CTBP2: variants seen among roughly 807,000 people sequenced by gnomAD.
CTBP2 encodes C-terminal-binding protein 2.
CTBP2 carries 30 observed loss-of-function variants against 80.3 expected under a neutral mutation model. That is an observed-to-expected ratio of 0.37 (90% CI 0.28 to 0.51). The LOEUF is 0.51. Ranked by LOEUF, CTBP2 falls within the 20% of genes least tolerant of loss-of-function variation. The probability of loss-of-function intolerance (pLI) is 0.93; values close to 1 mark genes in which losing one functional copy is unlikely to be tolerated. For synonymous variants in CTBP2, 594 were observed against 587.4 expected, an observed-to-expected ratio of 1.01 and a Z score of -0.16; for missense variants, 1,212 against 1,375.3, an observed-to-expected ratio of 0.88 and a Z score of 1.88.
At chr10:125,042,679 G>A (rs531062383) in intron 2 of CTBP2, among the ~76,000 whole-genome samples, 1 of 152,244 alleles carries the variant, frequency 6.6e-6, no homozygotes, top group South Asian at 2.1e-4. Context: ...ACCAGCCAGT[G>A]AGGATATGCA....
intron 7 of CTBP2, among the ~76,000 whole-genome samples, 160 bp from the exon 10 acceptor site, chr10:124,992,972 C>G (rs555366446): frequency 7.4e-4 from 113 of 152,276 alleles, no homozygotes; most frequent in Non-Finnish European, 1.3e-3. Context: ...CCTTCAGCCT[C>G]TGTGTGCCCC....
intron 2 of CTBP2, among the ~76,000 whole-genome samples, chr10:125,039,671 C>T (rs1276612938): frequency 3.3e-5 from 5 of 152,212 alleles, no homozygotes; most frequent in East Asian, 1.9e-4. Context: ...CAGCACAACA[C>T]AAAACCCTGA....
intron 1 of CTBP2, chr10:125,005,964 G>T (rs764705807): frequency 1.7e-4 from 246 of 1,478,436 alleles, no homozygotes; most frequent in Non-Finnish European, 2.1e-4. Flanking sequence ...GCGCAAGGTG[G>T]GAATCCAGAG....
intron 2 of CTBP2, among the ~76,000 whole-genome samples, chr10:125,056,173 AAAT>A (rs747765698): frequency 0.042 from 6,230 of 149,336 alleles, 173 homozygotes; most frequent in Non-Finnish European, 0.055. Context: ...TCAAAAATAA[AAAT>A]AATAATAATA....
intron 1 of CTBP2, 71 bp from the exon 2 acceptor site, chr10:125,111,164 C>A (rs1393332931): frequency 2.0e-5 from 3 of 151,848 alleles, no homozygotes; most frequent in African/African-American, 4.8e-5. Flanking sequence ...ATCTAGGCAT[C>A]CTTTAATTGC....
intron 1 of CTBP2, among the ~76,000 whole-genome samples, chr10:125,156,461 T>C (rs1423978883): frequency 1.3e-5 from 2 of 152,224 alleles, no homozygotes; most frequent in East Asian, 3.8e-4. Flanking sequence ...CTTTCAAAAA[T>C]GATTCATGAT....
rs75035269 is a variant in CTBP2, at chr10:125,038,648, C to T, written c.58+349G>A. 3.5e-3 allele frequency among the ~76,000 whole-genome samples: 536 copies of T among 152,256 alleles called. 3 individuals carry two copies. The highest frequency in any genetic ancestry group is 0.011 in the African/African-American group (475 of 41,534). On this transcript the variant is annotated intron_variant, in intron 3 of 10. Transcript: ENST00000337195. ...GCATTGTAAATATCTTAATCCAAAA[C>T]AGGTAAAGTCCTGAGATTTCAGGAA... is the stretch of plus-strand genomic sequence containing the variant.
intron 2 of CTBP2, among the ~76,000 whole-genome samples, chr10:125,063,177 A>G (rs1239397237): frequency 6.6e-6 from 1 of 152,248 alleles, no homozygotes; most frequent in African/African-American, 2.4e-5. Context: ...GAACAATGGG[A>G]AAATTATCAC....
At chr10:125,100,012 T>C (rs1177184556) in intron 2 of CTBP2, among the ~76,000 whole-genome samples, 1 of 152,206 alleles carries the variant, frequency 6.6e-6, no homozygotes, top group Admixed American at 6.5e-5. Flanking sequence ...GAAGGTCTCA[T>C]CTAGATCACA....
upstream of CTBP2, among the ~76,000 whole-genome samples, chr10:125,029,304 C>T (rs576499916): frequency 5.4e-5 from 8 of 148,852 alleles, no homozygotes; most frequent in East Asian, 2.0e-4. Context: ...TGCAATGGCG[C>T]GATCTCGGCT....
rs1957698264 is a variant in CTBP2, at chr10:125,027,112, TTCGCTGATG to T, written c.639_647del (p.Asp213_Ser215del). 2 of 1,606,870 alleles carry T rather than the reference TTCGCTGATG, an allele frequency of 1.2e-6. No homozygotes were observed. The highest frequency in any genetic ancestry group is 1.7e-6 in the Non-Finnish European group (2 of 1,175,136). On this transcript the variant is annotated inframe_deletion, in exon 1 of 9. Coordinates refer to ENST00000309035, the MANE Select transcript of CTBP2 (RefSeq NM_022802.3). ...TGGCAGGGGCAGGGTCAATGGGTCT[TTCGCTGATG>T]TCGCTGAAGACCTGGCTGAGGGGGT...
chr10:125,144,555 C>T (rs547196878), intron 1 of CTBP2, among the ~76,000 whole-genome samples: 4 of 152,204 alleles, frequency 2.6e-5, no homozygotes, highest in Admixed American at 1.3e-4. Context: ...TGCCACAAAA[C>T]GAGTTCACTC....
rs767890403 is a variant in CTBP2 at position 125,026,957 on chromosome 10, A to C, written c.803T>G (p.Met268Arg). The C allele has an allele frequency of 1.2e-6, 2 of 1,614,030 alleles. No homozygotes were observed. Among genetic ancestry groups the C allele is most frequent in the East Asian group, 2.2e-5 (1 of 44,870 alleles). ...GTCAGCTTCGTAAGTCTCGTAAGCC[A>C]TCTTGGATGGGATGCTTTCCCGGGC... The change falls in exon 1 of 9, where the codon ATG (methionine) becomes AGG (arginine). Residue 268 changes from methionine to arginine, a missense_variant. By Grantham distance (91) the Met-to-Arg change is moderately conservative. This residue lies in a region of CTBP2 where 848 missense variants were observed against 782.3 expected (regional missense o/e 1.08). Transcript: ENST00000309035.
At chr10:125,018,499 A>ACAAC in intron 1 of CTBP2, among the ~76,000 whole-genome samples, 1 of 139,160 alleles carries the variant, frequency 7.2e-6, no homozygotes, top group East Asian at 2.4e-4. Flanking sequence ...CAAAAAAACA[A>ACAAC]AAACAAACCA....
At chr10:125,049,980 G>A (rs994805508) in intron 2 of CTBP2, among the ~76,000 whole-genome samples, 2 of 152,192 alleles carry the variant, frequency 1.3e-5, no homozygotes, top group African/African-American at 4.8e-5. Flanking sequence ...CAACTGTTTA[G>A]GACACCAGTA....
Position 125,040,215 on chromosome 10 carries a change from G to A in CTBP2, c.-101-1060C>T, listed in dbSNP as rs550344665. ...CATGCCTGTAAGCCCAGAAGTTTGG[G>A]AGGCCGAGGCGGGCAGATCACCTGA... On this transcript the variant is annotated intron_variant, in intron 2 of 10. Transcript: ENST00000337195. Among the ~76,000 whole-genome samples the A allele has an allele frequency of 5.9e-5, 9 of 152,296 alleles. No homozygotes were observed. In the East Asian group the frequency reaches 1.7e-3, roughly 29 times the overall value.
chr10:124,994,379 C>T (rs1173551264), intron 5 of CTBP2, 90 bp downstream of exon 7: 3 of 1,288,590 alleles, frequency 2.3e-6, no homozygotes, highest in Non-Finnish European at 3.3e-6. Flanking sequence ...CCAGAAACCA[C>T]CTCCGTTGCC....
intron 3 of CTBP2, among the ~76,000 whole-genome samples, chr10:125,036,668 G>GGGGGT (rs1258371613): frequency 8.4e-6 from 1 of 119,284 alleles, no homozygotes; most frequent in South Asian, 3.0e-4. Context: ...AGCTAGAGGG[G>GGGGGT]GTGTGTGTGT....
intron 2 of CTBP2, among the ~76,000 whole-genome samples, chr10:125,056,227 A>C (rs562923789): frequency 6.6e-6 from 1 of 151,864 alleles, no homozygotes; most frequent in South Asian, 2.1e-4. Context: ...AATAAACAAA[A>C]GCAGCTACCA....
Sources: gnomAD v4.1 joint callset for allele counts (sites outside exome capture counted in the v4.1 genomes callset) on GRCh38, gnomAD v4.1.1 for gene constraint, gnomAD v4.1.1 regional missense constraint, MANE v1.5 for transcripts, NCBI Gene and HGNC (gene_info 2026-07-23, HGNC 2026-07-21) for gene names.